The following EZH1 variants were observed in gnomAD, a reference collection of about 807,000 sequenced individuals.
The protein encoded by EZH1 is histone-lysine N-methyltransferase EZH1.
A neutral mutation model predicts 100.5 loss-of-function variants in EZH1; 33 were observed. The ratio of observed to expected loss-of-function variants is 0.33; its 90% CI spans 0.25 to 0.44. EZH1 has a LOEUF of 0.44. Among genes scored for constraint, EZH1 ranks in the 20% least tolerant of loss-of-function variants. EZH1 has a pLI of 1.00. For synonymous variants in EZH1, 272 were observed against 313.8 expected, an observed-to-expected ratio of 0.87 and a Z score of 1.41; for missense variants, 475 against 928.4, an observed-to-expected ratio of 0.51 and a Z score of 6.35.
chr17:42,737,278 GC>G (rs768920153), intron 1 of EZH1, among the ~76,000 whole-genome samples: 63 of 152,102 alleles, frequency 4.1e-4, no homozygotes, highest in Non-Finnish European at 7.6e-4. Context: ...GAGCCACCGC[GC>G]CCAGCCTACA....
chr17:42,706,205 A>G lies in EZH1; in HGVS notation c.1661-20T>C, dbSNP rs768934047. 6.3e-7 allele frequency: 1 copy of G among 1,590,008 alleles called. No individual in the cohort carries two copies. The highest frequency in any genetic ancestry group is 2.3e-5 in the East Asian group (1 of 44,272). On this transcript the variant is annotated intron_variant, in intron 15 of 20. Transcript: ENST00000428826. This position sits in a 1 kb window ranked among gnomAD's most constrained non-coding sequence, Gnocchi z 4.4. ...TCTGACCTGGGAAGGGAAGACAGGT[A>G]AGTCTTAGAAGGGAAATAAGCTAAT...
intron 11 of EZH1, 99 bp downstream of exon 11, chr17:42,713,110 A>G: frequency 9.6e-7 from 1 of 1,037,724 alleles, no homozygotes; most frequent in Non-Finnish European, 1.4e-6. Context: ...AGAATTTATA[A>G]TTTTTAAGAG....
intron 1 of EZH1, among the ~76,000 whole-genome samples, chr17:42,738,636 G>A: frequency 6.6e-6 from 1 of 151,294 alleles, no homozygotes; most frequent in Non-Finnish European, 1.5e-5. Flanking sequence ...ATTTTTAGTA[G>A]AGACAGGGTT....
rs748484550 is a variant in EZH1, at chr17:42,712,319, G to C, written c.1371C>G (p.Ala457=). ...GTYFNNFCSI[A]RLLGTKTCKQ... ...TGCACGTCTTGGTCCCCAGAAGCCT[G>C]GCTATTGAACAGAAGTTGTTGAAGT... The change falls in exon 12 of 21, where the codon GCC becomes GCG. Residue 457 remains alanine, a synonymous_variant. Transcript: ENST00000428826. 1 of 1,614,080 alleles carries C rather than the reference G, an allele frequency of 6.2e-7. No homozygotes were observed. The highest frequency in any genetic ancestry group is 1.7e-5 in the Admixed American group (1 of 60,022).
intron 1 of EZH1, among the ~76,000 whole-genome samples, chr17:42,733,407 C>A (rs1185159502): frequency 1.3e-5 from 2 of 151,120 alleles, no homozygotes; most frequent in Non-Finnish European, 2.9e-5. Flanking sequence ...TTTGGGTGGC[C>A]GAGGTGGGCG....
At position 42,718,086 on chromosome 17, in the gene EZH1, CT is replaced by C. The variant is rs755170607; in HGVS notation, c.932-20del. On this transcript the variant is annotated intron_variant, in intron 9 of 20. Coordinates refer to ENST00000428826, the MANE Select transcript of EZH1 (RefSeq NM_001991.5). This position sits in a 1 kb window ranked among gnomAD's most constrained non-coding sequence, Gnocchi z 4.2. ...TGAAAAGCTGGAAAACAAAAACTGT[CT>C]TGTTGCCAGTGGTCTATCCACTTGA... 2 of 1,606,570 alleles carry C rather than the reference CT, an allele frequency of 1.2e-6. No homozygotes were observed. The highest frequency in any genetic ancestry group is 2.7e-5 in the African/African-American group (2 of 74,878).
At chr17:42,736,277 T>A (rs1190932131) in intron 1 of EZH1, among the ~76,000 whole-genome samples, 1 of 152,168 alleles carries the variant, frequency 6.6e-6, no homozygotes, top group African/African-American at 2.4e-5. Flanking sequence ...TAAAGCTGAA[T>A]ATATACTTAC....
chr17:42,724,083 C>A lies in EZH1; in HGVS notation c.366+222G>T, dbSNP rs79779768. Among the ~76,000 whole-genome samples, 1,479 of 152,206 alleles carry A rather than the reference C, an allele frequency of 9.7e-3. 25 individuals carry two copies. The highest frequency in any genetic ancestry group is 0.034 in the African/African-American group (1,424 of 41,524). ...CAATATTATTCATTTAAAAAAGAAC[C>A]AGCATCAATTCCAAAGCACACATCA... On this transcript the variant is annotated intron_variant, in intron 5 of 20. Coordinates refer to ENST00000428826, the MANE Select transcript of EZH1 (RefSeq NM_001991.5).
chr17:42,712,614 A>G, intron 11 of EZH1, 129 bp from the exon 12 acceptor site: 6 of 957,938 alleles, frequency 6.3e-6, no homozygotes, highest in Non-Finnish European at 9.2e-6. Flanking sequence ...AATATTCCCT[A>G]TCTTTAGGCC....
chr17:42,705,740 G>A (rs182332334), intron 16 of EZH1: 40 of 271,580 alleles, frequency 1.5e-4, no homozygotes, highest in African/African-American at 2.6e-4. Context: ...GGCTGGTCTC[G>A]AACTCTTGAC....
chr17:42,728,844 T>C lies in EZH1; in HGVS notation c.98A>G (p.Gln33Arg). The change falls in exon 3 of 21, where the codon CAG (glutamine) becomes CGG (arginine). Residue 33 changes from glutamine to arginine, a missense_variant. Gln to Arg is a conservative substitution (Grantham distance 43). Coordinates refer to ENST00000428826, the MANE Select transcript of EZH1 (RefSeq NM_001991.5). ...YMRLRQLKRL[Q>R]ANMGAKALYV... ...TTTTACCTTTGCACCCATATTTGCC[T>C]GAAGCCGTTTAAGTTGTCGAAGTCG... is the stretch of plus-strand genomic sequence containing the variant. 4 of 1,613,692 alleles carry C rather than the reference T, an allele frequency of 2.5e-6. No homozygotes were observed. The highest frequency in any genetic ancestry group is 3.4e-6 in the Non-Finnish European group (4 of 1,179,836).
intron 11 of EZH1, among the ~76,000 whole-genome samples, 193 bp downstream of exon 11, chr17:42,713,016 C>CA (rs1272531971): frequency 2.9e-5 from 1 of 33,964 alleles, no homozygotes; most frequent in African/African-American, 1.2e-4. Context: ...CCAGCCTGGG[C>CA]AAAAAAGCGA....
rs139193916 is a variant in EZH1 at position 42,707,665 on chromosome 17, C to T, written c.1660+293G>A. ...CTACCCAAAGTGCTGGGATTACAGG[C>T]GTGAGTGACTGCGCCTGCTGCCCCC... On this transcript the variant is annotated intron_variant, in intron 15 of 20. Transcript: ENST00000428826. Among the ~76,000 whole-genome samples, 10 of 152,254 alleles carry T rather than the reference C, an allele frequency of 6.6e-5. No homozygotes were observed. The East Asian group carries it at 1.9e-3, about 29-fold the overall frequency.
chr17:42,724,086 C>T (rs2053770578), intron 5 of EZH1, among the ~76,000 whole-genome samples: 1 of 152,134 alleles, frequency 6.6e-6, no homozygotes, highest in African/African-American at 2.4e-5. Context: ...AAAGAACCAG[C>T]ATCAATTCCA....
chr17:42,705,854 C>A, intron 16 of EZH1, 153 bp downstream of exon 16: 1 of 859,700 alleles, frequency 1.2e-6, no homozygotes. Context: ...GGACTGAAGC[C>A]TTTATTAATT....
rs2053654798 is a variant in EZH1, at chr17:42,718,888, T to C, written c.767+217A>G. 6.6e-6 allele frequency among the ~76,000 whole-genome samples: 1 copy of C among 152,140 alleles called. No individual in the cohort carries two copies. The highest frequency in any genetic ancestry group is 1.5e-5 in the Non-Finnish European group (1 of 68,022). On this transcript the variant is annotated intron_variant, in intron 8 of 20. Transcript: ENST00000428826. This position sits in a 1 kb window ranked among gnomAD's most constrained non-coding sequence, Gnocchi z 4.2. ...TCCAGAAAAATGGCAGAGTAAATGT[T>C]CTCTGCCCAGACTCACTCAAAAGCC...
intron 2 of EZH1, 57 bp downstream of exon 2, chr17:42,730,771 C>T (rs2053931514): frequency 4.8e-6 from 4 of 827,460 alleles, no homozygotes; most frequent in Non-Finnish European, 5.8e-6. Context: ...GCTGGGATTA[C>T]AGGCGTGAGC....
intron 12 of EZH1, among the ~76,000 whole-genome samples, chr17:42,710,971 A>C (rs903729481): frequency 6.6e-6 from 1 of 152,062 alleles, no homozygotes. Flanking sequence ...AGAAGAGGCC[A>C]CAGAGTCTCC....
chr17:42,702,944 C>A lies in EZH1; in HGVS notation c.2116G>T (p.Asp706Tyr). Reference protein sequence around the residue: ...CYAKVVMVNGDHRIGIFAKRA... With the variant: ...CYAKVVMVNGYHRIGIFAKRA... The stretch of plus-strand genomic sequence containing the variant: ...TTGGCAAAGATCCCAATCCGATGGT[C>A]TCCATTCACCATGACCACTGCAAGC... Residue 706 changes from aspartate (D) to tyrosine (Y), a missense_variant, in exon 20 of 21, where the codon GAC becomes TAC. Asp to Tyr is a radical substitution (Grantham distance 160). Transcript: ENST00000428826. 6.2e-7 allele frequency: 1 copy of A among 1,614,086 alleles called. No individual in the cohort carries two copies. Among genetic ancestry groups the A allele is most frequent in the Non-Finnish European group, 8.5e-7 (1 of 1,180,024 alleles).
Sources: gnomAD v4.1 joint callset for allele counts (sites outside exome capture counted in the v4.1 genomes callset) on GRCh38, gnomAD v4.1.1 for gene constraint, Gnocchi (gnomAD v3.1) non-coding constraint, MANE v1.5 for transcripts, NCBI Gene and HGNC (gene_info 2026-07-23, HGNC 2026-07-21) for gene names.